PRH1: variants seen among roughly 807,000 people sequenced by gnomAD.
PRH1 encodes the protein salivary acidic proline-rich phosphoprotein 1/2.
Under a neutral mutation model 7.9 loss-of-function variants are expected in PRH1, and 7 were observed. That is an observed-to-expected ratio of 0.89 (90% CI 0.50 to 1.67). The LOEUF is 1.67. PRH1 is among the 40% of genes most tolerant of loss of function. The probability of loss-of-function intolerance (pLI) is 0.00; values close to 1 mark genes in which losing one functional copy is unlikely to be tolerated. For synonymous variants in PRH1, 45 were observed against 80.8 expected (o/e 0.56, Z 2.38); for missense variants, 109 against 223.6 (o/e 0.49, Z 3.27).
intron 1 of PRH1, among the ~76,000 whole-genome samples, chr12:11,022,911 T>G (rs1436377975): frequency 6.6e-6 from 1 of 152,208 alleles, no homozygotes; most frequent in Non-Finnish European, 1.5e-5. Flanking sequence ...CATATTATTT[T>G]TCATTGTTTT....
intron 1 of PRH1, among the ~76,000 whole-genome samples, chr12:11,068,878 T>C (rs1171642206): frequency 6.7e-6 from 1 of 149,274 alleles, no homozygotes; most frequent in Non-Finnish European, 1.5e-5. Context: ...TAATACTCCA[T>C]CTTTTCCCTT....
chr12:11,144,362 A>G (rs979787166), intron 1 of PRH1, among the ~76,000 whole-genome samples: 3 of 152,010 alleles, frequency 2.0e-5, no homozygotes, highest in Admixed American at 6.6e-5. Flanking sequence ...GGTTGTCAGG[A>G]AAGTGGGGGA....
chr12:11,040,462 G>C (rs1418949656), intron 1 of PRH1, among the ~76,000 whole-genome samples: 3 of 152,076 alleles, frequency 2.0e-5, no homozygotes, highest in Admixed American at 2.0e-4. Context: ...AACTAACACA[G>C]GAACAGAAAA....
intron 1 of PRH1, among the ~76,000 whole-genome samples, chr12:11,055,970 T>C (rs1943347039): frequency 6.6e-6 from 1 of 152,274 alleles, no homozygotes; most frequent in South Asian, 2.1e-4. Context: ...CAACTAATAA[T>C]TTTGTATAAC....
chr12:11,067,159 T>C lies in PRH1; in HGVS notation n.124-19971A>G, dbSNP rs1261976638. On this transcript the variant is annotated intron_variant and non_coding_transcript_variant, in intron 1 of 4. Transcript: ENST00000541977. ...TATGCACAAACATGCTCAAAGATCA[T>C]GCTAAATATGTTTTATACCTTAACA... Among the ~76,000 whole-genome samples, 3 of 140,016 alleles carry C rather than the reference T, an allele frequency of 2.1e-5. No individual in the cohort carries two copies. The Admixed American group carries it at 2.2e-4, about 10-fold the overall frequency. 91.9% of individuals were successfully genotyped at this position (140,016 alleles called of 152,430 possible). A position where few individuals can be genotyped will look rare whatever the true frequency, so the allele number is the denominator to read the frequency against.
upstream of PRH1, among the ~76,000 whole-genome samples, chr12:11,047,766 A>C (rs933397684): frequency 1.3e-5 from 2 of 152,110 alleles, no homozygotes; most frequent in Non-Finnish European, 2.9e-5. Context: ...TATTGTGTGC[A>C]TCATTAGCTA....
chr12:10,903,487 G>T lies in PRH1; in HGVS notation c.-58-19212C>A, dbSNP rs1054708908. Among the ~76,000 whole-genome samples, 8 of 151,696 alleles carry T rather than the reference G, an allele frequency of 5.3e-5. 1 individual carries two copies. Among genetic ancestry groups the T allele is most frequent in the Non-Finnish European group, 1.0e-4 (7 of 67,826 alleles). On this transcript the variant is annotated intron_variant, in intron 2 of 3. Transcript: ENST00000539853. ...ACTAACAAGGAAATTCTGGACTCTT[G>T]AAAAAACGCTCAAATAATTAGGCAT...
At chr12:11,147,784 A>G (rs1336781363) in intron 1 of PRH1, among the ~76,000 whole-genome samples, 2 of 152,212 alleles carry the variant, frequency 1.3e-5, no homozygotes, top group East Asian at 1.9e-4. Context: ...CTTATTTAAG[A>G]TATCAGTGAA....
At chr12:11,030,951 T>G in intron 1 of PRH1, 1 of 1,614,282 alleles carries the variant, frequency 6.2e-7, no homozygotes, top group Non-Finnish European at 8.5e-7. Context: ...ATCACCAGAA[T>G]GACACTCTTA....
At chr12:11,057,811 C>A (rs913896788) in intron 1 of PRH1, among the ~76,000 whole-genome samples, 2 of 152,242 alleles carry the variant, frequency 1.3e-5, no homozygotes, top group Non-Finnish European at 1.5e-5. Context: ...TTAATCTACA[C>A]CCTTTATGAG....
chr12:11,150,949 TTA>T (rs1042778799), intron 1 of PRH1, among the ~76,000 whole-genome samples: 7 of 152,236 alleles, frequency 4.6e-5, no homozygotes, highest in African/African-American at 1.7e-4. Flanking sequence ...AACTGTGTTC[TTA>T]AAGATGTCAG....
At chr12:10,996,211 C>A (rs1940224274) in intron 1 of PRH1, among the ~76,000 whole-genome samples, 1 of 151,762 alleles carries the variant, frequency 6.6e-6, no homozygotes, top group Non-Finnish European at 1.5e-5. Context: ...TGCCTGGAGT[C>A]CCAGCCACTC....
chr12:11,063,849 T>G (rs1309667431), intron 1 of PRH1, among the ~76,000 whole-genome samples: 2 of 152,082 alleles, frequency 1.3e-5, no homozygotes, highest in African/African-American at 4.8e-5. Flanking sequence ...AAGAAAGTGC[T>G]CACTTCAACT....
At chr12:11,059,896 C>G (rs991532811) in intron 1 of PRH1, among the ~76,000 whole-genome samples, 2 of 151,962 alleles carry the variant, frequency 1.3e-5, no homozygotes, top group African/African-American at 2.4e-5. Flanking sequence ...CATTTTTGAC[C>G]ATCTATTCTT....
upstream of PRH1, among the ~76,000 whole-genome samples, chr12:11,051,220 TAG>T (rs1439873717): frequency 6.6e-6 from 1 of 152,200 alleles, no homozygotes; most frequent in East Asian, 1.9e-4. Context: ...TCACATGAAG[TAG>T]ATAATTAAAA....
chr12:10,986,842 T>G, intron 1 of PRH1: 1 of 1,536,414 alleles, frequency 6.5e-7, no homozygotes, highest in South Asian at 1.3e-5. Context: ...GAAAAAAAAA[T>G]GTATAGAAAA....
Position 10,882,315 on chromosome 12 carries a change from G to A in PRH1, c.484C>T (p.Pro162Ser). The part of the protein sequence containing the change: ...QGGHQQGPPP[P>S]PPGKPQGPPP... ...GGTCCCTGGGGCTTTCCAGGAGGAG[G>A]TGGGGGAGGACCTTGCTGATGGCCT... The change falls in exon 3 of 4, where the codon CCT (proline) becomes TCT (serine). Residue 162 changes from proline to serine, a missense_variant. Transcript: ENST00000543626. 6.2e-7 allele frequency: 1 copy of A among 1,609,864 alleles called. No homozygotes were observed. Among genetic ancestry groups the A allele is most frequent in the Non-Finnish European group, 8.5e-7 (1 of 1,178,362 alleles).
rs571108248 is a variant in PRH1 at position 11,092,515 on chromosome 12, C to T, written n.124-45327G>A. 1.5e-3 allele frequency among the ~76,000 whole-genome samples: 172 copies of T among 115,502 alleles called. 41 individuals are homozygous for T. Among genetic ancestry groups the T allele is most frequent in the African/African-American group, 4.8e-3 (167 of 34,514 alleles). The allele number at this position is 115,502 out of a possible 152,430, so 75.8% of individuals were successfully genotyped here. A position where few individuals can be genotyped will look rare whatever the true frequency, so the allele number is the denominator to read the frequency against. On this transcript the variant is annotated intron_variant and non_coding_transcript_variant, in intron 1 of 4. Transcript: ENST00000541977. Reference sequence around the variant, plus strand: ...CCCTTATTTGTCCCCTCCCATTTTCCTTTTTTGTCCTATCAGAGTGCCCTT... The same window carrying T: ...CCCTTATTTGTCCCCTCCCATTTTCTTTTTTTGTCCTATCAGAGTGCCCTT...
intron 1 of PRH1, among the ~76,000 whole-genome samples, chr12:11,028,031 A>G (rs956560792): frequency 3.9e-5 from 6 of 152,132 alleles, no homozygotes; most frequent in African/African-American, 1.2e-4. Flanking sequence ...GCGGTACTGG[A>G]CACAAACATG....
Sources: allele counts gnomAD v4.1 joint callset (sites outside exome capture counted in the v4.1 genomes callset), GRCh38; gene constraint gnomAD v4.1.1; transcripts MANE v1.5; gene names NCBI Gene and HGNC (gene_info 2026-07-23, HGNC 2026-07-21).